The following RARB variants were observed in gnomAD, a reference collection of about 807,000 sequenced individuals.
RARB encodes HBV-activated protein.
A neutral mutation model predicts 51.9 loss-of-function variants in RARB; 17 were observed. The ratio of observed to expected loss-of-function variants is 0.33; its 90% confidence interval spans 0.22 to 0.49. RARB has a LOEUF of 0.49. RARB is among the 20% of genes least tolerant of loss of function. RARB has a pLI of 0.99. For synonymous variants in RARB, 215 were observed against 195.4 expected, an observed-to-expected ratio of 1.10 and a Z score of -0.84; for missense variants, 369 against 550.8, an observed-to-expected ratio of 0.67 and a Z score of 3.30.
intron 2 of RARB, among the ~76,000 whole-genome samples, chr3:24,912,418 A>G (rs992448358): frequency 7.1e-6 from 1 of 140,084 alleles, no homozygotes; most frequent in Non-Finnish European, 1.5e-5. Context: ...GTACACAGTA[A>G]AATCTCAATA....
intron 4 of RARB, among the ~76,000 whole-genome samples, chr3:25,578,498 C>G (rs1327502738): frequency 6.6e-6 from 1 of 152,222 alleles, no homozygotes; most frequent in Admixed American, 6.5e-5. Flanking sequence ...GATGGATACT[C>G]TATTGTAAAA....
At chr3:25,356,590 G>T (rs1348520177) in intron 5 of RARB, among the ~76,000 whole-genome samples, 1 of 151,828 alleles carries the variant, frequency 6.6e-6, no homozygotes, top group Non-Finnish European at 1.5e-5. Context: ...AGGTATACAT[G>T]TGCCATGGTG....
At chr3:25,441,213 TTA>T in intron 1 of RARB, 1 of 335,714 alleles carries the variant, frequency 3.0e-6, no homozygotes. Context: ...AACACACAGG[TTA>T]GTGCCCTCAA....
chr3:24,891,059 G>A (rs148157411), intron 2 of RARB, among the ~76,000 whole-genome samples: 148 of 152,276 alleles, frequency 9.7e-4, no homozygotes, highest in African/African-American at 2.8e-3. Context: ...AGCTCAGTGC[G>A]TTTCAGTCTG....
intron 5 of RARB, among the ~76,000 whole-genome samples, chr3:25,329,872 A>G (rs1704840143): frequency 6.6e-6 from 1 of 152,232 alleles, no homozygotes; most frequent in Non-Finnish European, 1.5e-5. Flanking sequence ...ATGCATGCAC[A>G]AGCTTCAGTA....
intron 5 of RARB, among the ~76,000 whole-genome samples, chr3:25,316,630 T>A (rs753122650): frequency 2.6e-5 from 4 of 152,188 alleles, no homozygotes; most frequent in Non-Finnish European, 5.9e-5. Context: ...GGTAACAATA[T>A]TTTATGGGCA....
intron 2 of RARB, among the ~76,000 whole-genome samples, chr3:24,952,276 T>A (rs1463180269): frequency 6.6e-6 from 1 of 152,040 alleles, no homozygotes; most frequent in African/African-American, 2.4e-5. Flanking sequence ...ATTTACACAA[T>A]TAATGATTAG....
At chr3:25,221,704 AT>A (rs1165342878) in intron 5 of RARB, among the ~76,000 whole-genome samples, 2 of 152,134 alleles carry the variant, frequency 1.3e-5, no homozygotes, top group Non-Finnish European at 2.9e-5. Flanking sequence ...TTTTAACCAA[AT>A]GCTGCTTCTA....
At chr3:25,517,484 C>T (rs1015462584) in intron 3 of RARB, among the ~76,000 whole-genome samples, 2 of 152,100 alleles carry the variant, frequency 1.3e-5, no homozygotes, top group Non-Finnish European at 2.9e-5. Context: ...ATAAGAAAGA[C>T]GAGCAATAAC....
At chr3:25,029,339 G>A (rs1455684600) in intron 2 of RARB, among the ~76,000 whole-genome samples, 1 of 152,164 alleles carries the variant, frequency 6.6e-6, no homozygotes, top group Non-Finnish European at 1.5e-5. Context: ...CAAATGACTG[G>A]TAAGTTTCCT....
intron 3 of RARB, among the ~76,000 whole-genome samples, chr3:25,064,824 T>C (rs1398312594): frequency 6.6e-6 from 1 of 152,114 alleles, no homozygotes; most frequent in African/African-American, 2.4e-5. Flanking sequence ...GCCTCAGAAG[T>C]GTTTTACTCA....
chr3:25,294,568 A>C (rs1300483093), intron 5 of RARB, among the ~76,000 whole-genome samples: 1 of 152,160 alleles, frequency 6.6e-6, no homozygotes, highest in Non-Finnish European at 1.5e-5. Flanking sequence ...TGAAGGGACT[A>C]CAGGAAGAGA....
intron 2 of RARB, among the ~76,000 whole-genome samples, chr3:24,898,307 G>T (rs1703522141): frequency 6.8e-6 from 1 of 147,628 alleles, no homozygotes; most frequent in South Asian, 2.1e-4. Flanking sequence ...TGAAAAATAG[G>T]AATAAATTAT....
chr3:25,188,909 C>T (rs2125362113), intron 5 of RARB, among the ~76,000 whole-genome samples: 1 of 152,162 alleles, frequency 6.6e-6, no homozygotes, highest in East Asian at 1.9e-4. Flanking sequence ...AAAATAAGTA[C>T]AGGGAAACAG....
In RARB at chr3:25,338,394, G is replaced by C. The variant is rs139488089; in HGVS notation, c.179-122799G>C. ...GTGTGGCATTATTGAAGGGTGGGCT[G>C]TTGTCTAAATTGAATGGGTGAAGAG... On this transcript the variant is annotated intron_variant, in intron 5 of 11. Transcript: ENST00000383772. Among the ~76,000 whole-genome samples, 154 of 152,266 alleles carry C rather than the reference G, an allele frequency of 1.0e-3. 3 individuals carry two copies. In the East Asian group the frequency reaches 0.022, roughly 21 times the overall value.
chr3:25,592,813 G>A (rs530524406), intron 5 of RARB, among the ~76,000 whole-genome samples: 2 of 152,254 alleles, frequency 1.3e-5, no homozygotes, highest in African/African-American at 4.8e-5. Context: ...TTTCCTCCTG[G>A]CTATTTCTGA....
intron 2 of RARB, among the ~76,000 whole-genome samples, chr3:24,943,497 T>C (rs542417506): frequency 1.3e-5 from 2 of 152,298 alleles, no homozygotes; most frequent in East Asian, 3.9e-4. Context: ...ATTATATAAA[T>C]GAGACTTGGT....
At chr3:24,895,096 C>T (rs1273029220) in intron 2 of RARB, among the ~76,000 whole-genome samples, 1 of 152,028 alleles carries the variant, frequency 6.6e-6, no homozygotes, top group African/African-American at 2.4e-5. Flanking sequence ...GTAAAGTTGC[C>T]TATTGATTAC....
At chr3:25,502,138 G>T (rs1156700344) in intron 3 of RARB, among the ~76,000 whole-genome samples, 10 of 152,182 alleles carry the variant, frequency 6.6e-5, no homozygotes, top group African/African-American at 2.2e-4. Flanking sequence ...CATCATGGGG[G>T]GATTTTGGTG....
Sources: allele counts gnomAD v4.1 joint callset (sites outside exome capture counted in the v4.1 genomes callset), GRCh38; gene constraint gnomAD v4.1.1; transcripts MANE v1.5; gene names NCBI Gene and HGNC (gene_info 2026-07-23, HGNC 2026-07-21).